The following DIP2C variants were observed in gnomAD, a reference collection of about 807,000 sequenced individuals.
DIP2C encodes the protein disco-interacting protein 2 homolog C.
DIP2C carries 33 observed loss-of-function variants against 192.4 expected under a neutral mutation model. That is an observed-to-expected ratio of 0.17 (90% CI 0.13 to 0.23). The LOEUF is 0.23. Ranked by LOEUF, DIP2C falls within the 10% of genes least tolerant of loss-of-function variation. The probability of loss-of-function intolerance (pLI) is 1.00; values close to 1 mark genes in which losing one functional copy is unlikely to be tolerated. For synonymous variants in DIP2C, 979 were observed against 864.1 expected (o/e 1.13, Z -2.33); for missense variants, 1,537 against 2,110.1 (o/e 0.73, Z 5.32).
At chr10:537,992 G>A (rs1159269842) in intron 1 of DIP2C, among the ~76,000 whole-genome samples, 1 of 152,106 alleles carries the variant, frequency 6.6e-6, no homozygotes, top group Non-Finnish European at 1.5e-5. Flanking sequence ...GTTTCTCCAT[G>A]TTGGCCAATC....
intron 3 of DIP2C, among the ~76,000 whole-genome samples, chr10:460,611 G>A (rs1969692672): frequency 6.6e-6 from 1 of 152,082 alleles, no homozygotes. Flanking sequence ...GGGGAGAATG[G>A]AACAAGTTGG....
chr10:339,542 A>C lies in DIP2C; in HGVS notation c.3584+1657T>G, dbSNP rs3802661. ...AGCCAGGCTTGGTAAGCCTGCAGGC[A>C]GGAGGCTTCCATCGGCTGGCTTCAG... On this transcript the variant is annotated intron_variant, in intron 29 of 36. Transcript: ENST00000280886. Among the ~76,000 whole-genome samples, 87 of 152,324 alleles carry C rather than the reference A, an allele frequency of 5.7e-4. 1 individual carries two copies. In the East Asian group the frequency reaches 0.016, roughly 29 times the overall value.
At chr10:559,913 A>T (rs114057635) in intron 1 of DIP2C, among the ~76,000 whole-genome samples, 1,561 of 152,102 alleles carry the variant, frequency 0.01, 23 homozygotes, top group African/African-American at 0.036. Flanking sequence ...AGACACAGGA[A>T]TTCAGGGAGG....
chr10:361,325 C>G (rs73587803), intron 22 of DIP2C, among the ~76,000 whole-genome samples: 1 of 152,126 alleles, frequency 6.6e-6, no homozygotes, highest in African/African-American at 2.4e-5. Flanking sequence ...CACTCCTGAC[C>G]GCAGTGTGAG....
chr10:490,964 T>C (rs746041834), intron 1 of DIP2C, among the ~76,000 whole-genome samples: 7 of 152,218 alleles, frequency 4.6e-5, no homozygotes, highest in Non-Finnish European at 1.0e-4. Context: ...CAATTCTTTT[T>C]CTCACTTATG....
chr10:556,652 T>C (rs115837605), intron 1 of DIP2C, among the ~76,000 whole-genome samples: 2,065 of 152,088 alleles, frequency 0.014, 52 homozygotes, highest in African/African-American at 0.048. Flanking sequence ...CCCTGCCCAC[T>C]GGGGCCTGGC....
At chr10:539,639 C>T (rs964061021) in intron 1 of DIP2C, among the ~76,000 whole-genome samples, 2 of 152,168 alleles carry the variant, frequency 1.3e-5, no homozygotes, top group South Asian at 2.1e-4. Flanking sequence ...CTGTGTGTCA[C>T]GTGTATTATT....
chr10:655,386 T>C (rs1268830885), intron 1 of DIP2C, among the ~76,000 whole-genome samples: 1 of 152,202 alleles, frequency 6.6e-6, no homozygotes, highest in East Asian at 1.9e-4. Flanking sequence ...TACAGAACAC[T>C]GTCCTCTCTG....
At chr10:409,813 G>A (rs531885196) in intron 8 of DIP2C, among the ~76,000 whole-genome samples, 1 of 152,346 alleles carries the variant, frequency 6.6e-6, no homozygotes, top group South Asian at 2.1e-4. Flanking sequence ...TTCAGATAAA[G>A]ATAATGGTAA....
intron 28 of DIP2C, among the ~76,000 whole-genome samples, chr10:342,367 G>A (rs550539732): frequency 2.0e-5 from 3 of 152,138 alleles, no homozygotes; most frequent in Non-Finnish European, 4.4e-5. Context: ...CCCATGTTAG[G>A]CAGGATGGTC....
intron 29 of DIP2C, among the ~76,000 whole-genome samples, chr10:333,456 C>T (rs572114782): frequency 3.3e-5 from 5 of 152,320 alleles, no homozygotes; most frequent in South Asian, 2.1e-4. Flanking sequence ...CACACAGCCA[C>T]ACTTCCCTCC....
At chr10:431,993 C>T (rs545596381) in intron 4 of DIP2C, among the ~76,000 whole-genome samples, 15 of 152,186 alleles carry the variant, frequency 9.9e-5, no homozygotes, top group Admixed American at 3.9e-4. Flanking sequence ...TTTTTCTTAG[C>T]CTGTTAACGT....
In DIP2C at chr10:603,317, AAAAAAAAAAAAAAAAAC is replaced by A. The variant is rs1195227626; in HGVS notation, c.85+86160_85+86176del. On this transcript the variant is annotated intron_variant, in intron 1 of 36. Transcript: ENST00000280886. The stretch of plus-strand genomic sequence containing the variant: ...CCATCTCAAAAAAAAAAAAAAAAAA[AAAAAAAAAAAAAAAAAC>A]CAACCATGAGATTTTGCTGCTTCAT... Among the ~76,000 whole-genome samples, 402 of 146,704 alleles carry A rather than the reference AAAAAAAAAAAAAAAAAC, an allele frequency of 2.7e-3. 7 individuals carry two copies. Among genetic ancestry groups the A allele is most frequent in the African/African-American group, 9.6e-3 (371 of 38,652 alleles).
chr10:435,063 G>A lies in DIP2C; in HGVS notation c.394+5808C>T, dbSNP rs567538835. The stretch of plus-strand genomic sequence containing the variant: ...AATCTGAGGAAATTCAGCCATTAAT[G>A]TTAAAAATACTTCTTCTGTTCCTCA... On this transcript the variant is annotated intron_variant, in intron 4 of 36. Transcript: ENST00000280886. 3.3e-5 allele frequency among the ~76,000 whole-genome samples: 5 copies of A among 152,278 alleles called. No homozygotes were observed. In the East Asian group the frequency reaches 9.6e-4, roughly 29 times the overall value.
At chr10:559,442 T>C (rs553078309) in intron 1 of DIP2C, among the ~76,000 whole-genome samples, 2 of 152,210 alleles carry the variant, frequency 1.3e-5, no homozygotes, top group East Asian at 3.9e-4. Flanking sequence ...GGAACATATT[T>C]AAAAGCCCAG....
At chr10:348,022 G>C (rs114462045) in intron 26 of DIP2C, among the ~76,000 whole-genome samples, 89 of 85,642 alleles carry the variant, frequency 1.0e-3, no homozygotes, top group African/African-American at 3.9e-3. Flanking sequence ...CCCCAGACGC[G>C]TCGCGCATAG....
chr10:661,720 T>TCTGG, intron 1 of DIP2C, among the ~76,000 whole-genome samples: 1 of 152,254 alleles, frequency 6.6e-6, no homozygotes, highest in South Asian at 2.1e-4. Context: ...CACCTCACAC[T>TCTGG]CTGGCTCCTT....
At chr10:387,330 C>T (rs899452030) in intron 14 of DIP2C, among the ~76,000 whole-genome samples, 1 of 152,216 alleles carries the variant, frequency 6.6e-6, no homozygotes, top group Non-Finnish European at 1.5e-5. Flanking sequence ...TGGACAACCT[C>T]GGTCTTCTAA....
At chr10:386,171 T>A (rs531698298) in intron 14 of DIP2C, among the ~76,000 whole-genome samples, 2 of 152,188 alleles carry the variant, frequency 1.3e-5, no homozygotes, top group East Asian at 3.9e-4. Flanking sequence ...ACGGCACCAG[T>A]GATGTAGCTG....
Sources: gnomAD v4.1 joint callset for allele counts (sites outside exome capture counted in the v4.1 genomes callset) on GRCh38, gnomAD v4.1.1 for gene constraint, MANE v1.5 for transcripts, NCBI Gene and HGNC (gene_info 2026-07-23, HGNC 2026-07-21) for gene names.